UBE2D1: variants seen among roughly 807,000 people sequenced by gnomAD.
UBE2D1 encodes ubiquitin conjugating enzyme E2 D1.
A neutral mutation model predicts 24.6 loss-of-function variants in UBE2D1; 9 were observed. That is an observed-to-expected ratio of 0.37 (90% CI 0.22 to 0.64). The LOEUF (loss-of-function observed/expected upper bound fraction) is 0.64, where lower values mean the gene tolerates loss of function less well. Among genes scored for constraint, UBE2D1 ranks in the 30% least tolerant of loss-of-function variants. The probability of loss-of-function intolerance (pLI) is 0.64; values close to 1 mark genes in which losing one functional copy is unlikely to be tolerated. For synonymous variants in UBE2D1, 57 were observed against 57.6 expected (o/e 0.99, Z 0.04); for missense variants, 87 against 177.1 (o/e 0.49, Z 2.89).
intron 1 of UBE2D1, among the ~76,000 whole-genome samples, chr10:58,336,183 C>T (rs1839901804): frequency 1.3e-5 from 2 of 152,088 alleles, no homozygotes; most frequent in Admixed American, 6.5e-5. Flanking sequence ...ATTTTTATTT[C>T]TTGTTGGTCT....
In UBE2D1 at chr10:58,361,541, T is replaced by G; in HGVS notation, c.120+15T>G. 1 of 1,613,994 alleles carries G rather than the reference T, an allele frequency of 6.2e-7. No homozygotes were observed. Among genetic ancestry groups the G allele is most frequent in the Non-Finnish European group, 8.5e-7 (1 of 1,180,002 alleles). On this transcript the variant is annotated intron_variant, in intron 3 of 6. Coordinates refer to ENST00000373910, the MANE Select transcript of UBE2D1 (RefSeq NM_003338.5). ...TTATGGGGCCTGTAAGTATGATTCA[T>G]ATCTATGAAATTAACCCCCTCAGCC...
At chr10:58,355,291 T>C (rs558658067) in intron 1 of UBE2D1, among the ~76,000 whole-genome samples, 1 of 152,300 alleles carries the variant, frequency 6.6e-6, no homozygotes, top group East Asian at 1.9e-4. Flanking sequence ...AATGAAAAGA[T>C]GTTCACTGGG....
intron 1 of UBE2D1, among the ~76,000 whole-genome samples, chr10:58,343,159 A>C (rs1241336565): frequency 1.3e-5 from 2 of 152,148 alleles, no homozygotes; most frequent in Non-Finnish European, 1.5e-5. Context: ...AATGATGGTT[A>C]ATAGTTTGTA....
intron 1 of UBE2D1, among the ~76,000 whole-genome samples, chr10:58,344,601 A>G (rs1309302196): frequency 2.0e-5 from 3 of 152,100 alleles, no homozygotes; most frequent in African/African-American, 7.2e-5. Context: ...TTAAAATTCC[A>G]TTTACTTTGA....
chr10:58,343,958 T>C (rs867938450), intron 1 of UBE2D1, among the ~76,000 whole-genome samples: 2 of 152,178 alleles, frequency 1.3e-5, no homozygotes, highest in Non-Finnish European at 2.9e-5. Flanking sequence ...GTAAAGTAAA[T>C]AGTAAGTTTT....
At chr10:58,348,785 T>C (rs1840042884) in intron 1 of UBE2D1, among the ~76,000 whole-genome samples, 1 of 152,248 alleles carries the variant, frequency 6.6e-6, no homozygotes, top group South Asian at 2.1e-4. Context: ...TATTCTCCTC[T>C]CTTCAGATTG....
chr10:58,353,736 A>G (rs532251218), intron 1 of UBE2D1, among the ~76,000 whole-genome samples: 2 of 152,234 alleles, frequency 1.3e-5, no homozygotes, highest in Non-Finnish European at 2.9e-5. Context: ...AAAGCTCACC[A>G]TAGTGTTTTC....
intron 6 of UBE2D1, 93 bp downstream of exon 6, chr10:58,368,109 A>G (rs1355620842): frequency 1.1e-6 from 1 of 903,154 alleles, no homozygotes; most frequent in East Asian, 2.5e-5. Context: ...AGTCAATTTG[A>G]TTATGGTTGT....
Position 58,368,702 on chromosome 10 carries a change from CT to C in UBE2D1, c.399-13del. On this transcript the variant is annotated splice_polypyrimidine_tract_variant and intron_variant, in intron 6 of 6. Transcript: ENST00000373910. ...TAATTTTGTATGTTTTTACTATATC[CT>C]TTTTGTGTATCTACAGATACAACAG... is the stretch of plus-strand genomic sequence containing the variant. 1.3e-6 allele frequency: 2 copies of C among 1,547,380 alleles called. No homozygotes were observed. Among genetic ancestry groups the C allele is most frequent in the Middle Eastern group, 1.7e-4 (1 of 5,732 alleles).
chr10:58,336,447 T>C (rs1839904096), intron 1 of UBE2D1, among the ~76,000 whole-genome samples: 1 of 152,180 alleles, frequency 6.6e-6, no homozygotes, highest in African/African-American at 2.4e-5. Flanking sequence ...GGTGACATCT[T>C]TAGGTACAGA....
chr10:58,352,054 CTT>C (rs1840082977), intron 1 of UBE2D1, among the ~76,000 whole-genome samples: 1 of 152,090 alleles, frequency 6.6e-6, no homozygotes. Context: ...TGAAAAAAAA[CTT>C]TCCCTCTACT....
chr10:58,347,045 T>G (rs1840025019), intron 1 of UBE2D1, among the ~76,000 whole-genome samples: 1 of 152,204 alleles, frequency 6.6e-6, no homozygotes, highest in South Asian at 2.1e-4. Flanking sequence ...GATTCCTCCT[T>G]CTGTTATCCA....
chr10:58,335,963 T>G (rs1839899428), intron 1 of UBE2D1, among the ~76,000 whole-genome samples: 1 of 152,204 alleles, frequency 6.6e-6, no homozygotes, highest in Admixed American at 6.5e-5. Flanking sequence ...AGATGTAAAG[T>G]TCGAGACACA....
chr10:58,347,748 A>G (rs907937163), intron 1 of UBE2D1, among the ~76,000 whole-genome samples: 1 of 150,854 alleles, frequency 6.6e-6, no homozygotes, highest in East Asian at 1.9e-4. Context: ...CCTGGGTTCA[A>G]GCGATTCTTC....
chr10:58,354,397 G>A (rs531041777), intron 1 of UBE2D1, among the ~76,000 whole-genome samples: 4 of 151,952 alleles, frequency 2.6e-5, no homozygotes, highest in Admixed American at 6.6e-5. Flanking sequence ...TATACCTGCA[G>A]TTCTTAAACT....
At chr10:58,352,838 T>TA (rs1488599086) in intron 1 of UBE2D1, among the ~76,000 whole-genome samples, 2 of 152,280 alleles carry the variant, frequency 1.3e-5, no homozygotes, top group East Asian at 3.9e-4. Context: ...ATTTAGAAGG[T>TA]AGTTTACATC....
intron 1 of UBE2D1, among the ~76,000 whole-genome samples, chr10:58,352,918 T>C (rs1366393395): frequency 6.6e-6 from 1 of 152,190 alleles, no homozygotes; most frequent in African/African-American, 2.4e-5. Flanking sequence ...CAGGGTTCCC[T>C]GCAGTATTCT....
intron 1 of UBE2D1, chr10:58,360,921 CAAA>C (rs72051070): frequency 1.2e-3 from 485 of 389,460 alleles, no homozygotes; most frequent in Admixed American, 1.7e-3. Context: ...GATCCTGTCT[CAAA>C]AAAAAAAAAA....
chr10:58,357,632 CTTTTG>C (rs1219124905), intron 1 of UBE2D1, among the ~76,000 whole-genome samples: 2 of 151,894 alleles, frequency 1.3e-5, no homozygotes, highest in Admixed American at 6.6e-5. Context: ...TGTGTTGTAC[CTTTTG>C]TTTTCTGTAG....
Sources: allele counts gnomAD v4.1 joint callset (sites outside exome capture counted in the v4.1 genomes callset), GRCh38; gene constraint gnomAD v4.1.1; transcripts MANE v1.5; gene names NCBI Gene and HGNC (gene_info 2026-07-23, HGNC 2026-07-21).